The following CAST variants were observed in gnomAD, a reference collection of about 807,000 sequenced individuals.
The protein encoded by CAST is MIR583 host.
A neutral mutation model predicts 119.6 loss-of-function variants in CAST; 76 were observed. The ratio of observed to expected loss-of-function variants is 0.64; its 90% confidence interval spans 0.53 to 0.77. The LOEUF (loss-of-function observed/expected upper bound fraction) is 0.77, where lower values mean the gene tolerates loss of function less well. CAST is among the 30% of genes least tolerant of loss of function. The pLI, the probability that CAST is intolerant of heterozygous loss-of-function variation, is 0.00. For synonymous variants in CAST, 319 were observed against 331.6 expected (o/e 0.96, Z 0.41); for missense variants, 953 against 946.5 (o/e 1.01, Z -0.09).
At chr5:96,485,733 T>C in the CAST span, among the ~76,000 whole-genome samples, 106,733 of 151,980 alleles carry the variant, frequency 0.7, 37,851 homozygotes, top group African/African-American at 0.79. Flanking sequence ...GTACTTGTTC[T>C]GGGGAGGAAG....
At chr5:96,310,207 C>T in the CAST span, among the ~76,000 whole-genome samples, 2 of 152,188 alleles carry the variant, frequency 1.3e-5, no homozygotes, top group Non-Finnish European at 2.9e-5. Flanking sequence ...TTCTGTCCCT[C>T]ATTCTGTTAA....
chr5:96,486,593 C>G, the CAST span, among the ~76,000 whole-genome samples: 1 of 152,178 alleles, frequency 6.6e-6, no homozygotes, highest in Non-Finnish European at 1.5e-5. Context: ...GTTGAGCAGA[C>G]AGAGCGTCTC....
chr5:96,510,362 G>A, the CAST span, among the ~76,000 whole-genome samples: 3 of 152,128 alleles, frequency 2.0e-5, no homozygotes, highest in Non-Finnish European at 2.9e-5. Context: ...ATTCACCCAG[G>A]AAAATTTCCT....
At chr5:96,149,106 G>A in the CAST span, among the ~76,000 whole-genome samples, 1 of 152,330 alleles carries the variant, frequency 6.6e-6, no homozygotes, top group Middle Eastern at 3.4e-3. Context: ...CCTTGGCTTT[G>A]ACTTGGCGTA....
chr5:96,226,064 G>A, the CAST span, among the ~76,000 whole-genome samples: 1 of 152,098 alleles, frequency 6.6e-6, no homozygotes, highest in Non-Finnish European at 1.5e-5. Flanking sequence ...TCCCCACCTT[G>A]CACTTCTCAG....
the CAST span, among the ~76,000 whole-genome samples, chr5:96,030,759 T>A: frequency 6.6e-6 from 1 of 152,084 alleles, no homozygotes; most frequent in African/African-American, 2.4e-5. Context: ...CAAAAACCAT[T>A]TTTGGGCTAT....
At chr5:96,303,212 A>T in the CAST span, among the ~76,000 whole-genome samples, 1 of 152,176 alleles carries the variant, frequency 6.6e-6, no homozygotes, top group Non-Finnish European at 1.5e-5. Flanking sequence ...TCCAAATATT[A>T]TGAGAACTCA....
the CAST span, among the ~76,000 whole-genome samples, chr5:96,059,627 A>G: frequency 3.9e-5 from 6 of 152,210 alleles, no homozygotes; most frequent in Non-Finnish European, 7.4e-5. Flanking sequence ...TGTGAAGGCC[A>G]GTAATAAATG....
intron 1 of CAST, among the ~76,000 whole-genome samples, chr5:96,533,031 AAAAAAATAAAAAT>A (rs1239537221): frequency 1.3e-4 from 18 of 140,938 alleles, no homozygotes; most frequent in Non-Finnish European, 3.2e-5. Flanking sequence ...TCTCAAAAAA[AAAAAAATAAAAAT>A]AAAAATAAAA....
chr5:96,396,253 A>C, the CAST span, among the ~76,000 whole-genome samples: 1 of 152,180 alleles, frequency 6.6e-6, no homozygotes, highest in Non-Finnish European at 1.5e-5. Flanking sequence ...AGAACTTTAA[A>C]TGATTTATTT....
chr5:96,684,243 C>T (rs1751785243), intron 2 of CAST, among the ~76,000 whole-genome samples: 1 of 152,186 alleles, frequency 6.6e-6, no homozygotes, highest in Admixed American at 6.5e-5. Context: ...GTGTCTAGAA[C>T]AGTGCCTGGG....
chr5:96,337,657 A>G, the CAST span, among the ~76,000 whole-genome samples: 2 of 152,212 alleles, frequency 1.3e-5, no homozygotes, highest in African/African-American at 4.8e-5. Flanking sequence ...TATGATGCTC[A>G]CTTCTGTGGA....
intron 1 of CAST, among the ~76,000 whole-genome samples, chr5:96,640,959 A>G (rs75961832): frequency 0.011 from 1,626 of 152,352 alleles, 32 homozygotes; most frequent in African/African-American, 0.035. Context: ...ACACTCCACA[A>G]TGCTATATAA....
the CAST span, among the ~76,000 whole-genome samples, chr5:96,148,698 T>C: frequency 2.0e-5 from 3 of 152,258 alleles, no homozygotes. Context: ...TAATATATGC[T>C]AGAGCAATAG....
chr5:96,408,221 A>C, the CAST span: 1 of 1,609,162 alleles, frequency 6.2e-7, no homozygotes, highest in Non-Finnish European at 8.5e-7. Flanking sequence ...TCTGGGCCTT[A>C]CTTTGCTTCC....
chr5:96,462,216 T>C, the CAST span, among the ~76,000 whole-genome samples: 10,348 of 152,192 alleles, frequency 0.068, 1,207 homozygotes, highest in African/African-American at 0.24. Context: ...TTGATTGCTT[T>C]TGGCCCCTAG....
chr5:96,674,875 T>C (rs975685719), intron 1 of CAST, among the ~76,000 whole-genome samples: 2 of 152,218 alleles, frequency 1.3e-5, no homozygotes, highest in Non-Finnish European at 2.9e-5. Context: ...ATTAACCTGA[T>C]TTGATCATTA....
At chr5:96,705,403 A>G (rs1012143707) in intron 3 of CAST, among the ~76,000 whole-genome samples, 9 of 152,136 alleles carry the variant, frequency 5.9e-5, no homozygotes, top group Non-Finnish European at 1.3e-4. Context: ...TAATTAGTCA[A>G]TGATTTCCAA....
chr5:96,325,592 A>G, the CAST span, among the ~76,000 whole-genome samples: 1 of 152,000 alleles, frequency 6.6e-6, no homozygotes, highest in East Asian at 1.9e-4. Context: ...CCATCCTCCC[A>G]CTTCAGCCTC....
Sources: gnomAD v4.1 joint callset for allele counts (sites outside exome capture counted in the v4.1 genomes callset) on GRCh38, gnomAD v4.1.1 for gene constraint, MANE v1.5 for transcripts, NCBI Gene and HGNC (gene_info 2026-07-23, HGNC 2026-07-21) for gene names.